The following TMCC3 variants were observed in gnomAD, a reference collection of about 807,000 sequenced individuals.
TMCC3 encodes transmembrane and coiled-coil domain protein 3.
A neutral mutation model predicts 40.2 loss-of-function variants in TMCC3; 28 were observed. That is an observed-to-expected ratio of 0.70 (90% CI 0.52 to 0.95). The LOEUF is 0.95. Among genes scored for constraint, TMCC3 ranks in the 40% least tolerant of loss-of-function variants. The pLI, the probability that TMCC3 is intolerant of heterozygous loss-of-function variation, is 0.00. For missense variants in TMCC3, 554 were observed against 615.2 expected (o/e 0.90, Z 1.05); for synonymous variants, 255 against 248.5 (o/e 1.03, Z -0.25).
intron 1 of TMCC3, among the ~76,000 whole-genome samples, chr12:94,633,115 GAAAGA>G (rs142623851): frequency 0.075 from 11,447 of 151,844 alleles, 515 homozygotes; most frequent in South Asian, 0.15. Context: ...AAAAAGAAAA[GAAAGA>G]AAAGAAAAGA....
intron 1 of TMCC3, among the ~76,000 whole-genome samples, chr12:94,635,629 G>A (rs1252629321): frequency 6.7e-6 from 1 of 150,222 alleles, no homozygotes; most frequent in Non-Finnish European, 1.5e-5. Flanking sequence ...AATAATACTG[G>A]AGTTATGCCT....
chr12:94,637,891 G>A (rs775530296), intron 1 of TMCC3, among the ~76,000 whole-genome samples: 1 of 152,140 alleles, frequency 6.6e-6, no homozygotes, highest in South Asian at 2.1e-4. Context: ...CACTCATTCA[G>A]TCAATATTTA....
chr12:94,580,534 A>C (rs1012325691), intron 2 of TMCC3, among the ~76,000 whole-genome samples: 2 of 152,176 alleles, frequency 1.3e-5, no homozygotes, highest in African/African-American at 4.8e-5. Flanking sequence ...CAGGTGTTTG[A>C]GACCAGCCTG....
intron 1 of TMCC3, among the ~76,000 whole-genome samples, chr12:94,623,576 T>C (rs2068887121): frequency 6.6e-6 from 1 of 152,256 alleles, no homozygotes; most frequent in Non-Finnish European, 1.5e-5. Flanking sequence ...AAAGCTTGGC[T>C]GTAAAGAGAG....
chr12:94,601,286 G>A (rs898823271), intron 1 of TMCC3, among the ~76,000 whole-genome samples: 1 of 152,140 alleles, frequency 6.6e-6, no homozygotes, highest in South Asian at 2.1e-4. Context: ...AGGCTGAGGC[G>A]GGCAGATCAC....
At chr12:94,619,467 C>T (rs760862842) in intron 1 of TMCC3, among the ~76,000 whole-genome samples, 9 of 152,214 alleles carry the variant, frequency 5.9e-5, no homozygotes, top group Non-Finnish European at 1.3e-4. Flanking sequence ...TTTCTCATAG[C>T]TCATGTCATT....
chr12:94,600,870 C>G (rs542538697), intron 1 of TMCC3, among the ~76,000 whole-genome samples: 6 of 152,262 alleles, frequency 3.9e-5, no homozygotes, highest in African/African-American at 1.2e-4. Flanking sequence ...TTCACTTTCT[C>G]AGGTACCATA....
intron 1 of TMCC3, among the ~76,000 whole-genome samples, chr12:94,612,807 AG>A (rs2068824195): frequency 1.3e-5 from 2 of 152,228 alleles, no homozygotes; most frequent in South Asian, 4.1e-4. Flanking sequence ...GCAGACTGCA[AG>A]GTATATTTGC....
intron 1 of TMCC3, among the ~76,000 whole-genome samples, chr12:94,612,800 G>C (rs144181097): frequency 2.6e-5 from 4 of 152,172 alleles, no homozygotes; most frequent in Non-Finnish European, 4.4e-5. Flanking sequence ...GCTAAAAGCA[G>C]ACTGCAAGGT....
chr12:94,575,854 AGTG>A (rs1406379937), intron 3 of TMCC3, among the ~76,000 whole-genome samples: 1 of 152,108 alleles, frequency 6.6e-6, no homozygotes, highest in Non-Finnish European at 1.5e-5. Flanking sequence ...ACTGGAGTGC[AGTG>A]GTGTGATCAC....
At chr12:94,577,177 T>C (rs897062658) in intron 3 of TMCC3, among the ~76,000 whole-genome samples, 1 of 152,162 alleles carries the variant, frequency 6.6e-6, no homozygotes, top group Non-Finnish European at 1.5e-5. Context: ...AATGCTATTA[T>C]TAATTAATTA....
intron 1 of TMCC3, among the ~76,000 whole-genome samples, chr12:94,614,466 G>A (rs1036597554): frequency 2.6e-5 from 4 of 152,148 alleles, no homozygotes; most frequent in African/African-American, 9.7e-5. Flanking sequence ...GGAACAGGTG[G>A]GAAGGACAGC....
chr12:94,597,124 C>CATATATATATAT (rs869220054), intron 1 of TMCC3, among the ~76,000 whole-genome samples: 56 of 29,792 alleles, frequency 1.9e-3, no homozygotes, highest in African/African-American at 5.1e-3. Flanking sequence ...TATTAAAATA[C>CATATATATATAT]ATATATATAT....
chr12:94,622,189 T>C (rs1025195715), intron 1 of TMCC3, among the ~76,000 whole-genome samples: 4 of 152,076 alleles, frequency 2.6e-5, no homozygotes, highest in African/African-American at 9.7e-5. Context: ...TCCACACCCA[T>C]GGCCTGAAAC....
At chr12:94,596,939 TC>T in intron 1 of TMCC3, among the ~76,000 whole-genome samples, 1 of 151,916 alleles carries the variant, frequency 6.6e-6, no homozygotes, top group Non-Finnish European at 1.5e-5. Context: ...AACTGATGTT[TC>T]ATGGCTCTTC....
intron 1 of TMCC3, among the ~76,000 whole-genome samples, chr12:94,634,306 A>C (rs114562352): frequency 0.024 from 3,614 of 152,184 alleles, 145 homozygotes; most frequent in African/African-American, 0.083. Flanking sequence ...AAACATGCAA[A>C]AAATTATTTA....
Position 94,642,842 on chromosome 12 carries a change from A to G in TMCC3, c.78+7511T>C, listed in dbSNP as rs371965177. On this transcript the variant is annotated intron_variant, in intron 1 of 3. Coordinates refer to ENST00000261226, the MANE Select transcript of TMCC3 (RefSeq NM_020698.4). ...CTCACAACAGTCCTCCAAGGGAAGTACTGTGACAACCCTTGTAAAAACCTA... is the reference window on the plus strand; with the variant it reads ...CTCACAACAGTCCTCCAAGGGAAGTGCTGTGACAACCCTTGTAAAAACCTA... 3.9e-5 allele frequency among the ~76,000 whole-genome samples: 6 copies of G among 152,346 alleles called. No individual in the cohort carries two copies. The South Asian group carries it at 1.0e-3, about 26-fold the overall frequency.
At chr12:94,612,849 T>C (rs988541975) in intron 1 of TMCC3, among the ~76,000 whole-genome samples, 4 of 152,240 alleles carry the variant, frequency 2.6e-5, no homozygotes, top group African/African-American at 4.8e-5. Context: ...TCTTAAAACA[T>C]TAAAAACTGT....
rs138375454 is a variant in TMCC3 at position 94,645,726 on chromosome 12, A to G, written c.78+4627T>C. Among the ~76,000 whole-genome samples the G allele has an allele frequency of 6.3e-3, 958 of 152,312 alleles. 15 individuals are homozygous for G. Among genetic ancestry groups the G allele is most frequent in the African/African-American group, 0.022 (905 of 41,560 alleles). The stretch of plus-strand genomic sequence containing the variant: ...AGTGTTAGAATTACAGGCATGAGCC[A>G]CCATGCCCGGCCTAGGAATCTTTGT... On this transcript the variant is annotated intron_variant, in intron 1 of 3. Coordinates refer to ENST00000261226, the MANE Select transcript of TMCC3 (RefSeq NM_020698.4).
Sources: allele counts gnomAD v4.1 joint callset (sites outside exome capture counted in the v4.1 genomes callset), GRCh38; gene constraint gnomAD v4.1.1; transcripts MANE v1.5; gene names NCBI Gene and HGNC (gene_info 2026-07-23, HGNC 2026-07-21).